Variants in FRMPD4 observed in about 807,000 individuals in gnomAD.
FRMPD4 encodes the protein FERM and PDZ domain-containing protein 4.
In FRMPD4, 22 loss-of-function variants were observed where a neutral mutation model predicts 94.1. The observed-to-expected ratio is 0.23, with a 90% CI of 0.17 to 0.33. The LOEUF (loss-of-function observed/expected upper bound fraction) is 0.33. Among genes scored for constraint, FRMPD4 ranks in the 10% least tolerant of loss-of-function variants. The pLI, the probability that FRMPD4 is intolerant of heterozygous loss-of-function variation, is 1.00. For synonymous variants in FRMPD4, 631 were observed against 548.6 expected (o/e 1.15, Z -2.10); for missense variants, 1,111 against 1,339.9 (o/e 0.83, Z 2.67).
At chrX:12,271,857 A>G (rs1278467919) in intron 1 of FRMPD4, among the ~76,000 whole-genome samples, 1 of 112,204 alleles carries the variant, frequency 8.9e-6, no homozygotes, top group Non-Finnish European at 1.9e-5. Context: ...GCAGATTCTC[A>G]TGCATTAGGT....
intron 3 of FRMPD4, among the ~76,000 whole-genome samples, chrX:11,979,952 T>A (rs2054388463): frequency 8.9e-6 from 1 of 111,988 alleles, no homozygotes; most frequent in African/African-American, 3.2e-5. Flanking sequence ...AAAGCTTTTC[T>A]CTATTTGCTA....
Position 12,646,286 on chromosome X carries a change from G to A in FRMPD4, c.423-28577G>A, listed in dbSNP as rs2059547017. Among the ~76,000 whole-genome samples, 3 of 112,036 alleles carry A rather than the reference G, an allele frequency of 2.7e-5. No homozygotes were observed. The South Asian group carries it at 1.1e-3, about 42-fold the overall frequency. ...CTGTAAGTCCTATTAATATAAAACA[G>A]AAAGGTCTCAAAATTCAGTTGCAGG... On this transcript the variant is annotated intron_variant, in intron 4 of 16. Transcript: ENST00000675598.
chrX:12,378,081 G>A (rs775687246), intron 1 of FRMPD4, among the ~76,000 whole-genome samples: 1 of 112,161 alleles, frequency 8.9e-6, no homozygotes, highest in Non-Finnish European at 1.9e-5. Flanking sequence ...AGGCACCGAT[G>A]GGGGCGACTG....
At chrX:12,443,664 G>T (rs760521175) in intron 1 of FRMPD4, among the ~76,000 whole-genome samples, 141 of 111,897 alleles carry the variant, frequency 1.3e-3, no homozygotes, top group African/African-American at 4.3e-3. Flanking sequence ...AGAGAGTTTA[G>T]TAGAAGTGGA....
intron 3 of FRMPD4, among the ~76,000 whole-genome samples, chrX:11,946,912 C>T (rs375212733): frequency 7.2e-4 from 81 of 112,116 alleles, no homozygotes; most frequent in African/African-American, 2.6e-3. Context: ...GACTGAATTA[C>T]GCCACTGGTT....
intron 1 of FRMPD4, among the ~76,000 whole-genome samples, chrX:12,415,212 C>G (rs975321900): frequency 9.0e-6 from 1 of 111,712 alleles, no homozygotes; most frequent in Non-Finnish European, 1.9e-5. Context: ...TTGGAATCAT[C>G]GTGGAGGCAC....
intron 3 of FRMPD4, among the ~76,000 whole-genome samples, chrX:12,121,091 T>A (rs1296729514): frequency 2.8e-5 from 3 of 109,021 alleles, no homozygotes; most frequent in African/African-American, 6.6e-5. Context: ...ATACTAATAA[T>A]TTATTTTATA....
At chrX:12,008,939 A>G (rs1443731512) in intron 3 of FRMPD4, among the ~76,000 whole-genome samples, 1 of 112,298 alleles carries the variant, frequency 8.9e-6, no homozygotes, top group Non-Finnish European at 1.9e-5. Flanking sequence ...ATTTCATGAT[A>G]TGTATTTTGC....
intron 3 of FRMPD4, among the ~76,000 whole-genome samples, chrX:12,117,665 T>C (rs2055420713): frequency 8.9e-6 from 1 of 112,082 alleles, no homozygotes; most frequent in Non-Finnish European, 1.9e-5. Flanking sequence ...GCTCCCATGC[T>C]TTGGCCCCAT....
intron 1 of FRMPD4, among the ~76,000 whole-genome samples, chrX:12,351,251 A>G (rs1363500719): frequency 9.0e-6 from 1 of 110,667 alleles, no homozygotes; most frequent in Non-Finnish European, 1.9e-5. Context: ...CTAAATTTGT[A>G]GATCTTGCTG....
At chrX:12,180,601 C>T (rs924780652) in intron 1 of FRMPD4, among the ~76,000 whole-genome samples, 14 of 112,343 alleles carry the variant, frequency 1.2e-4, no homozygotes, top group African/African-American at 4.5e-4. Context: ...AATAAAGAGC[C>T]TGTCTAACAA....
chrX:11,852,104 G>T (rs1434082963), intron 1 of FRMPD4, among the ~76,000 whole-genome samples: 4 of 111,285 alleles, frequency 3.6e-5, no homozygotes, highest in Non-Finnish European at 7.5e-5. Flanking sequence ...TTTCTCACTG[G>T]ATGTTAGCTG....
chrX:12,123,418 G>A (rs906297889), intron 3 of FRMPD4, among the ~76,000 whole-genome samples: 32 of 111,263 alleles, frequency 2.9e-4, no homozygotes, highest in African/African-American at 1.0e-3. Context: ...GATTATAGTC[G>A]TGAGTCACTG....
Position 12,577,691 on chromosome X carries a change from A to G in FRMPD4, c.159-32030A>G, listed in dbSNP as rs151171928. The stretch of plus-strand genomic sequence containing the variant: ...GGTGCCCAAGAAGGCAGGGCTTGAA[A>G]GCTGGGGAACCAAAAGAAATGTGCC... On this transcript the variant is annotated intron_variant, in intron 2 of 16. Transcript: ENST00000675598. Among the ~76,000 whole-genome samples the G allele has an allele frequency of 4.1e-3, 456 of 111,785 alleles. 2 individuals carry two copies. The highest frequency in any genetic ancestry group is 0.014 in the African/African-American group (443 of 30,806).
intron 3 of FRMPD4, among the ~76,000 whole-genome samples, chrX:12,062,218 A>G (rs1289841936): frequency 2.7e-5 from 3 of 111,924 alleles, no homozygotes; most frequent in African/African-American, 9.7e-5. Context: ...ATTCTGGGAA[A>G]CATTTCACTA....
At chrX:11,874,429 C>T (rs1365048480) in intron 2 of FRMPD4, among the ~76,000 whole-genome samples, 4 of 112,324 alleles carry the variant, frequency 3.6e-5, no homozygotes, top group Admixed American at 2.8e-4. Flanking sequence ...GGATTTCAGG[C>T]GTAAGCCACC....
At chrX:11,893,601 A>G (rs866177873) in intron 3 of FRMPD4, among the ~76,000 whole-genome samples, 1 of 112,384 alleles carries the variant, frequency 8.9e-6, no homozygotes, top group Non-Finnish European at 1.9e-5. Flanking sequence ...AGCACTTTAT[A>G]TAAGAATCTT....
intron 4 of FRMPD4, among the ~76,000 whole-genome samples, chrX:12,622,015 A>AAAGAAAGAAAGAAAGAAAGAAAGGAAGG (rs1398888625): frequency 4.5e-5 from 1 of 22,006 alleles, no homozygotes; most frequent in Non-Finnish European, 8.3e-5. Context: ...AGAAAGAAAG[A>AAAGAAAGAAAGAAAGAAAGAAAGGAAGG]AAGGAAGGAA....
intron 2 of FRMPD4, among the ~76,000 whole-genome samples, chrX:12,508,756 G>A (rs1295237921): frequency 9.0e-6 from 1 of 110,671 alleles, no homozygotes; most frequent in African/African-American, 3.3e-5. Flanking sequence ...CACTTTGGGA[G>A]GCCAAGGCGG....
Sources: allele counts gnomAD v4.1 joint callset (sites outside exome capture counted in the v4.1 genomes callset), GRCh38; gene constraint gnomAD v4.1.1; transcripts MANE v1.5; gene names NCBI Gene and HGNC (gene_info 2026-07-23, HGNC 2026-07-21).